Variants in FRMD6 observed in about 807,000 individuals in gnomAD.
FRMD6 encodes FERM domain containing 6, also known as FERM domain-containing protein 6.
Under a neutral mutation model 73.2 loss-of-function variants are expected in FRMD6, and 37 were observed. The ratio of observed to expected loss-of-function variants is 0.51; its 90% CI spans 0.39 to 0.66. The LOEUF is 0.66. FRMD6 is among the 30% of genes least tolerant of loss of function. The pLI is 0.00. For synonymous variants in FRMD6, 273 were observed against 282.2 expected (o/e 0.97, Z 0.33); for missense variants, 714 against 780.5 (o/e 0.91, Z 1.02).
chr14:51,463,195 A>C, the FRMD6 span, among the ~76,000 whole-genome samples: 2 of 152,342 alleles, frequency 1.3e-5, no homozygotes, highest in South Asian at 4.1e-4. Flanking sequence ...GTAGCCATTC[A>C]CTAAGTAGCA....
chr14:51,535,973 A>G (rs926729099), intron 1 of FRMD6, among the ~76,000 whole-genome samples: 1 of 151,282 alleles, frequency 6.6e-6, no homozygotes, highest in Admixed American at 6.6e-5. Flanking sequence ...TGACCTTATC[A>G]TTAAACACAT....
the FRMD6 span, among the ~76,000 whole-genome samples, chr14:51,410,948 C>T: frequency 1.3e-5 from 2 of 152,162 alleles, no homozygotes; most frequent in Non-Finnish European, 2.9e-5. Context: ...ACATCTGATA[C>T]TATTAATAGT....
At chr14:51,490,399 G>T (rs1314558820) in intron 1 of FRMD6, among the ~76,000 whole-genome samples, 2 of 152,180 alleles carry the variant, frequency 1.3e-5, no homozygotes, top group East Asian at 3.9e-4. Flanking sequence ...GACAGAGAGA[G>T]AGAGACAGAA....
chr14:51,590,225 G>T (rs545289283), intron 2 of FRMD6, among the ~76,000 whole-genome samples: 1 of 152,294 alleles, frequency 6.6e-6, no homozygotes, highest in African/African-American at 2.4e-5. Flanking sequence ...CTCCGAGAGT[G>T]TCATGACACT....
intron 1 of FRMD6, among the ~76,000 whole-genome samples, chr14:51,559,502 C>G (rs1337169314): frequency 3.3e-5 from 5 of 151,112 alleles, no homozygotes; most frequent in African/African-American, 1.2e-4. Flanking sequence ...TTTAAGCAAG[C>G]CTTCCTTGTG....
intron 10 of FRMD6, among the ~76,000 whole-genome samples, chr14:51,719,270 C>T (rs540362725): frequency 2.0e-5 from 3 of 152,232 alleles, no homozygotes; most frequent in East Asian, 1.9e-4. Context: ...TGTTTGACTG[C>T]GTTAAAGAAC....
chr14:51,667,005 C>T (rs867115011), intron 1 of FRMD6, among the ~76,000 whole-genome samples: 1 of 151,978 alleles, frequency 6.6e-6, no homozygotes, highest in Non-Finnish European at 1.5e-5. Flanking sequence ...TGTGGTGATG[C>T]GTGCCTGTGG....
At chr14:51,455,501 G>C in the FRMD6 span, among the ~76,000 whole-genome samples, 5 of 152,310 alleles carry the variant, frequency 3.3e-5, no homozygotes, top group South Asian at 1.0e-3. Flanking sequence ...TTGTCGGGCA[G>C]TTTTTATTTC....
intron 1 of FRMD6, among the ~76,000 whole-genome samples, chr14:51,682,566 A>G (rs1275895872): frequency 2.0e-5 from 3 of 152,124 alleles, no homozygotes; most frequent in Non-Finnish European, 2.9e-5. Flanking sequence ...GAGAATTTCT[A>G]TGGATGGTTT....
chr14:51,611,843 C>G (rs1008858584), intron 2 of FRMD6, among the ~76,000 whole-genome samples: 1 of 151,810 alleles, frequency 6.6e-6, no homozygotes, highest in South Asian at 2.1e-4. Context: ...AGCTGATGGA[C>G]TATTATGTAG....
chr14:51,564,689 C>T (rs370249269), intron 1 of FRMD6, among the ~76,000 whole-genome samples: 1 of 152,118 alleles, frequency 6.6e-6, no homozygotes, highest in African/African-American at 2.4e-5. Flanking sequence ...GGAAAGGCCT[C>T]GGGGCAACAA....
rs543489387 is a variant in FRMD6, at chr14:51,564,626, C to G, written c.-209-5722C>G. Reference sequence around the variant, plus strand: ...GGTTTAAAGGATATAATTAACAATCCTCTTCTGAAAAGCAGCACAACAGCC... The same window carrying G: ...GGTTTAAAGGATATAATTAACAATCGTCTTCTGAAAAGCAGCACAACAGCC... On this transcript the variant is annotated intron_variant, in intron 1 of 14. Coordinates refer to the FRMD6 transcript ENST00000356218. 3.9e-5 allele frequency among the ~76,000 whole-genome samples: 6 copies of G among 152,244 alleles called. No individual in the cohort carries two copies. The South Asian group carries it at 1.0e-3, about 26-fold the overall frequency.
At chr14:51,687,076 C>CCAGT (rs1200543477) in intron 1 of FRMD6, among the ~76,000 whole-genome samples, 1 of 152,130 alleles carries the variant, frequency 6.6e-6, no homozygotes, top group Non-Finnish European at 1.5e-5. Context: ...TAATCCTCTT[C>CCAGT]CAGTCATCTT....
At position 51,535,419 on chromosome 14, in the gene FRMD6, A is replaced by G. The variant is rs555206447; in HGVS notation, c.-209-34929A>G. Among the ~76,000 whole-genome samples, 10 of 152,270 alleles carry G rather than the reference A, an allele frequency of 6.6e-5. No homozygotes were observed. The East Asian group carries it at 1.4e-3, about 21-fold the overall frequency. On this transcript the variant is annotated intron_variant, in intron 1 of 14. Coordinates refer to the FRMD6 transcript ENST00000356218. ...TATTTTCTGCTCTATAGATTTGCCT[A>G]TTCTGGACATTTCTACTTTCTATCT...
At chr14:51,459,732 C>G in the FRMD6 span, among the ~76,000 whole-genome samples, 2 of 143,784 alleles carry the variant, frequency 1.4e-5, no homozygotes, top group Non-Finnish European at 3.0e-5. Flanking sequence ...GAGGCTGAGG[C>G]AGGAGAATGG....
At chr14:51,455,377 A>G in the FRMD6 span, among the ~76,000 whole-genome samples, 2 of 152,218 alleles carry the variant, frequency 1.3e-5, no homozygotes, top group Admixed American at 6.5e-5. Flanking sequence ...GGATCTTTCA[A>G]TCATTATTCC....
chr14:51,594,306 T>TTATATTTATTTATTTA (rs369251190), intron 2 of FRMD6, among the ~76,000 whole-genome samples: 1 of 142,996 alleles, frequency 7.0e-6, no homozygotes, highest in African/African-American at 2.6e-5. Context: ...TGTATTTTAT[T>TTATATTTATTTATTTA]TTTATTTATT....
the FRMD6 span, among the ~76,000 whole-genome samples, chr14:51,480,378 G>T: frequency 6.6e-6 from 1 of 152,186 alleles, no homozygotes; most frequent in African/African-American, 2.4e-5. Context: ...GCCAGGCAGA[G>T]AACAAACGAA....
At chr14:51,459,884 C>CTTTTTTTTTTTTTTTTTTTTTTT in the FRMD6 span, among the ~76,000 whole-genome samples, 18 of 74,648 alleles carry the variant, frequency 2.4e-4, 3 homozygotes, top group African/African-American at 4.7e-4. Flanking sequence ...TACTGACTCT[C>CTTTTTTTTTTTTTTTTTTTTTTT]TTTTTTTTTT....
Sources: gnomAD v4.1 joint callset for allele counts (sites outside exome capture counted in the v4.1 genomes callset) on GRCh38, gnomAD v4.1.1 for gene constraint, MANE v1.5 for transcripts, NCBI Gene and HGNC (gene_info 2026-07-23, HGNC 2026-07-21) for gene names.